The following ZNF800 variants were observed in gnomAD, a reference collection of about 807,000 sequenced individuals.
ZNF800 encodes zinc finger protein 800.
In ZNF800, 13 loss-of-function variants were observed where a neutral mutation model predicts 59.5. The observed-to-expected ratio is 0.22, with a 90% CI of 0.14 to 0.35. ZNF800 has a LOEUF of 0.35. Among genes scored for constraint, ZNF800 ranks in the 10% least tolerant of loss-of-function variants. The pLI, the probability that ZNF800 is intolerant of heterozygous loss-of-function variation, is 1.00. For missense variants in ZNF800, 621 were observed against 783.7 expected, an observed-to-expected ratio of 0.79 and a Z score of 2.48; for synonymous variants, 266 against 265.7, an observed-to-expected ratio of 1.00 and a Z score of -0.01.
At chr7:127,344,254 TA>T (rs1800019403), downstream of ZNF800, among the ~76,000 whole-genome samples, 1 of 151,884 alleles carries the variant, frequency 6.6e-6, no homozygotes, top group Non-Finnish European at 1.5e-5. Context: ...GAGTAGCCAC[TA>T]ATAAAAAATG....
intron 2 of ZNF800, among the ~76,000 whole-genome samples, chr7:127,388,493 A>G (rs1801209823): frequency 1.3e-5 from 2 of 152,240 alleles, no homozygotes; most frequent in East Asian, 3.8e-4. Flanking sequence ...TGCCTCTATC[A>G]GTTACAAGAA....
chr7:127,366,371 A>AT, downstream of ZNF800, among the ~76,000 whole-genome samples: 1 of 152,168 alleles, frequency 6.6e-6, no homozygotes, highest in Non-Finnish European at 1.5e-5. Flanking sequence ...ACTATGCAGC[A>AT]TAATTGTGGA....
downstream of ZNF800, among the ~76,000 whole-genome samples, chr7:127,365,119 C>T (rs187012025): frequency 2.6e-4 from 40 of 152,170 alleles, no homozygotes; most frequent in Admixed American, 2.6e-3. Context: ...AGAAAAATCA[C>T]TAAATGCACA....
chr7:127,385,599 C>T (rs1448665440), intron 3 of ZNF800, among the ~76,000 whole-genome samples: 1 of 152,126 alleles, frequency 6.6e-6, no homozygotes, highest in Non-Finnish European at 1.5e-5. Flanking sequence ...ACTCCACAAA[C>T]TCAAGGGTTA....
intron 5 of ZNF800, chr7:127,372,803 A>T (rs1442701481): frequency 2.0e-6 from 2 of 985,254 alleles, no homozygotes; most frequent in Non-Finnish European, 2.4e-6. Flanking sequence ...AATCATTTTT[A>T]ATTCAATTCG....
At chr7:127,368,116 T>C (rs1016158215), downstream of ZNF800, among the ~76,000 whole-genome samples, 2 of 152,130 alleles carry the variant, frequency 1.3e-5, no homozygotes, top group Non-Finnish European at 2.9e-5. Flanking sequence ...TAATGATTTC[T>C]ATTAAACTAG....
chr7:127,361,564 A>C (rs1317686246), intron 1 of ZNF800: 1 of 152,118 alleles, frequency 6.6e-6, no homozygotes, highest in Non-Finnish European at 1.5e-5. Flanking sequence ...TCCTGAGTGA[A>C]AAAAAGGAAA....
chr7:127,344,282 A>G (rs1391168766), downstream of ZNF800, among the ~76,000 whole-genome samples: 1 of 152,048 alleles, frequency 6.6e-6, no homozygotes, highest in Non-Finnish European at 1.5e-5. Flanking sequence ...AAATGATCCC[A>G]TTCAAATGCA....
chr7:127,383,084 A>C (rs1432413154), intron 3 of ZNF800, among the ~76,000 whole-genome samples: 1 of 152,246 alleles, frequency 6.6e-6, no homozygotes, highest in Non-Finnish European at 1.5e-5. Context: ...GAAAAGCTGA[A>C]ATGTCAGGCA....
intron 1 of ZNF800, chr7:127,360,795 G>A (rs1486137483): frequency 6.6e-6 from 1 of 152,030 alleles, no homozygotes; most frequent in Non-Finnish European, 1.5e-5. Flanking sequence ...ATCACTACAG[G>A]CATGTAATGA....
chr7:127,357,858 G>C (rs923609066), intron 1 of ZNF800, among the ~76,000 whole-genome samples: 1 of 151,906 alleles, frequency 6.6e-6, no homozygotes, highest in African/African-American at 2.4e-5. Context: ...GAGAGAGAGA[G>C]AGAGACAGCA....
At position 127,391,507 on chromosome 7, in the gene ZNF800, G is replaced by C; in HGVS notation, c.51C>G (p.Cys17Trp). The C allele has an allele frequency of 6.2e-7, 1 of 1,614,160 alleles. No homozygotes were observed. The highest frequency in any genetic ancestry group is 8.5e-7 in the Non-Finnish European group (1 of 1,180,008). The change falls in exon 2 of 6, where the codon TGC (cysteine) becomes TGG (tryptophan). Residue 17 changes from cysteine to tryptophan, a missense_variant. Physicochemically the swap from Cys to Trp is radical, Grantham distance 215. Coordinates refer to ENST00000265827, the MANE Select transcript of ZNF800 (RefSeq NM_176814.5). ...CGAAGAGGGGTCTACCTGGTTCACA[G>C]CATCCGTGATGATGGTGGTCAGTCT... ...YCQTDHHHHG[C>W]CEPVYILEPG... is the part of the protein sequence containing the mutation.
At chr7:127,383,437 G>A (rs933344826) in intron 3 of ZNF800, among the ~76,000 whole-genome samples, 1 of 152,182 alleles carries the variant, frequency 6.6e-6, no homozygotes, top group Non-Finnish European at 1.5e-5. Flanking sequence ...AGCACCACCA[G>A]GATAGTTCTT....
intron 1 of ZNF800, among the ~76,000 whole-genome samples, chr7:127,355,454 A>G (rs1459311514): frequency 6.6e-6 from 1 of 152,050 alleles, no homozygotes; most frequent in Non-Finnish European, 1.5e-5. Context: ...TAATAACACA[A>G]AGGATAGAAG....
In ZNF800 at chr7:127,370,118, AGT is replaced by A. The variant is rs1470995358; in HGVS notation, c.*1694_*1695del. Reference sequence around the variant, plus strand: ...TAAATGAAATACCACCTACACATTTAGTTCCCTAAATATATTATACTATTAGT... The same window carrying A: ...TAAATGAAATACCACCTACACATTTATCCCTAAATATATTATACTATTAGT... On this transcript the variant is annotated 3_prime_UTR_variant, in exon 6 of 6. Coordinates refer to ENST00000265827, the MANE Select transcript of ZNF800 (RefSeq NM_176814.5). 7 of 152,178 alleles carry A rather than the reference AGT, an allele frequency of 4.6e-5. No homozygotes were observed. The highest frequency in any genetic ancestry group is 3.9e-4 in the Admixed American group (6 of 15,270). 9.4% of individuals were successfully genotyped at this position (152,178 alleles called of 1,614,324 possible). A position where few individuals can be genotyped will look rare whatever the true frequency, so the allele number is the denominator to read the frequency against.
chr7:127,390,455 C>T (rs762707343), intron 2 of ZNF800, among the ~76,000 whole-genome samples: 2 of 152,082 alleles, frequency 1.3e-5, no homozygotes, highest in Non-Finnish European at 2.9e-5. Context: ...GGTTGTAGTA[C>T]GAATTTTATC....
chr7:127,380,923 CT>C (rs1368533044), intron 3 of ZNF800, among the ~76,000 whole-genome samples: 1 of 152,156 alleles, frequency 6.6e-6, no homozygotes, highest in South Asian at 2.1e-4. Flanking sequence ...ATTTTCACCC[CT>C]AATAGGTGCT....
Position 127,374,465 on chromosome 7 carries a change from C to T in ZNF800, c.871G>A (p.Val291Ile), listed in dbSNP as rs1473034900. 1.2e-6 allele frequency: 2 copies of T among 1,613,982 alleles called. No homozygotes were observed. The highest frequency in any genetic ancestry group is 1.7e-6 in the Non-Finnish European group (2 of 1,180,004). ...VLVPLSRSCP[V>I]CCKSFATKAN... ...TTTGTAGCAAATGATTTACAACATA[C>T]TGGACAACTCCTACTTAATGGAACT... is the stretch of plus-strand genomic sequence containing the variant. Residue 291 changes from valine to isoleucine, a missense_variant, in exon 5 of 6, where the codon GTA becomes ATA. Transcript: ENST00000265827.
chr7:127,347,561 A>G (rs1346986295), exon 2 of ZNF800: 2 of 152,266 alleles, frequency 1.3e-5, no homozygotes, highest in Non-Finnish European at 2.9e-5. Context: ...AAGATTCTCA[A>G]AGAAGCCGGG....
Sources: allele counts gnomAD v4.1 joint callset (sites outside exome capture counted in the v4.1 genomes callset), GRCh38; gene constraint gnomAD v4.1.1; transcripts MANE v1.5; gene names NCBI Gene and HGNC (gene_info 2026-07-23, HGNC 2026-07-21).